ZBTB16: variants seen among roughly 807,000 people sequenced by gnomAD.
The protein encoded by ZBTB16 is zinc finger and BTB domain-containing protein 16.
In ZBTB16, 8 loss-of-function variants were observed where a neutral mutation model predicts 56.8. The observed-to-expected ratio is 0.14, with a 90% CI of 0.08 to 0.25. ZBTB16 has a LOEUF of 0.25. ZBTB16 is among the 10% of genes least tolerant of loss of function. The pLI is 1.00. For synonymous variants in ZBTB16, 363 were observed against 368.5 expected (o/e 0.98, Z 0.17); for missense variants, 625 against 903.0 (o/e 0.69, Z 3.95).
chr11:114,142,719 A>G (rs1013957237), intron 2 of ZBTB16, among the ~76,000 whole-genome samples: 6 of 152,080 alleles, frequency 3.9e-5, no homozygotes, highest in South Asian at 4.2e-4. Flanking sequence ...GAATGGTGGG[A>G]AGGGAGGATG....
At chr11:114,235,625 CCTTCCTTTCTTT>C (rs1944550823) in intron 4 of ZBTB16, among the ~76,000 whole-genome samples, 3 of 68,416 alleles carry the variant, frequency 4.4e-5, no homozygotes, top group African/African-American at 1.9e-4. Context: ...TTTCCCTCTC[CCTTCCTTTCTTT>C]CTTTCTTTCT....
At chr11:114,186,438 C>T (rs1474580899) in intron 3 of ZBTB16, among the ~76,000 whole-genome samples, 1 of 152,038 alleles carries the variant, frequency 6.6e-6, no homozygotes, top group Non-Finnish European at 1.5e-5. Context: ...ACAGGGGAGC[C>T]ATTCAGGGGT....
chr11:114,223,340 G>A (rs1944273063), intron 4 of ZBTB16, among the ~76,000 whole-genome samples: 1 of 152,158 alleles, frequency 6.6e-6, no homozygotes, highest in Non-Finnish European at 1.5e-5. Flanking sequence ...AAAGATATGG[G>A]AATATACGGA....
chr11:114,189,411 A>G (rs1197895179), intron 4 of ZBTB16: 2 of 152,336 alleles, frequency 1.3e-5, no homozygotes, highest in East Asian at 1.9e-4. Context: ...TGTGGCTACA[A>G]TAAAAAATAC....
chr11:114,109,533 C>T (rs1280835537), intron 2 of ZBTB16, among the ~76,000 whole-genome samples: 2 of 152,168 alleles, frequency 1.3e-5, no homozygotes, highest in African/African-American at 4.8e-5. Context: ...TGCATAGTTC[C>T]TTCCATTGCC....
At chr11:114,166,421 G>A (rs1001882976) in intron 3 of ZBTB16, among the ~76,000 whole-genome samples, 1 of 152,014 alleles carries the variant, frequency 6.6e-6, no homozygotes, top group African/African-American at 2.4e-5. Context: ...AAGCTGCAGT[G>A]TCTCCTAGAA....
intron 3 of ZBTB16, among the ~76,000 whole-genome samples, chr11:114,172,034 T>TCCAGGTGTGTAGAAGAG (rs1362031496): frequency 6.6e-6 from 1 of 152,180 alleles, no homozygotes; most frequent in African/African-American, 2.4e-5. Context: ...AAGAGCCTGG[T>TCCAGGTGTGTAGAAGAG]CCAGGTGAGT....
intron 3 of ZBTB16, among the ~76,000 whole-genome samples, 166 bp downstream of exon 3, chr11:114,156,600 C>T (rs929808150): frequency 6.6e-6 from 1 of 152,158 alleles, no homozygotes; most frequent in African/African-American, 2.4e-5. Context: ...CACAGAAGAT[C>T]CATCCTGATG....
At chr11:114,202,069 C>T (rs1943749280) in intron 4 of ZBTB16, among the ~76,000 whole-genome samples, 1 of 152,176 alleles carries the variant, frequency 6.6e-6, no homozygotes, top group Non-Finnish European at 1.5e-5. Flanking sequence ...CAGATAAATG[C>T]CAGATGGAGA....
chr11:114,165,325 C>T (rs1222690281), intron 3 of ZBTB16, among the ~76,000 whole-genome samples: 1 of 152,108 alleles, frequency 6.6e-6, no homozygotes, highest in Non-Finnish European at 1.5e-5. Context: ...CCTGGATGTT[C>T]CCCCCAAATC....
At chr11:114,203,852 C>T (rs1240044251) in intron 4 of ZBTB16, among the ~76,000 whole-genome samples, 2 of 152,142 alleles carry the variant, frequency 1.3e-5, no homozygotes, top group Admixed American at 6.6e-5. Flanking sequence ...CTTGCCCTCC[C>T]CATTCCTCCA....
intron 2 of ZBTB16, among the ~76,000 whole-genome samples, chr11:114,120,620 C>T (rs755553874): frequency 6.6e-6 from 1 of 152,240 alleles, no homozygotes; most frequent in Non-Finnish European, 1.5e-5. Context: ...CTGCTCCACA[C>T]TCACCACTGG....
At chr11:114,184,088 G>A (rs1257893601) in intron 3 of ZBTB16, among the ~76,000 whole-genome samples, 1 of 152,226 alleles carries the variant, frequency 6.6e-6, no homozygotes, top group Non-Finnish European at 1.5e-5. Context: ...TTCAGTAAAA[G>A]TGAGTTCATA....
chr11:114,255,552 C>G lies in ZBTB16; in HGVS notation c.*4997C>G, dbSNP rs181524303. Among the ~76,000 whole-genome samples, 224 of 151,856 alleles carry G rather than the reference C, an allele frequency of 1.5e-3. 1 individual carries two copies. Among genetic ancestry groups the G allele is most frequent in the African/African-American group, 5.2e-3 (216 of 41,402 alleles). On this transcript the variant is annotated 3_prime_UTR_variant, in exon 7 of 7. Coordinates refer to ENST00000335953, the MANE Select transcript of ZBTB16 (RefSeq NM_006006.6). ...CCCTCTCTCCTGCCTCCTGCTGCCC[C>G]CTCCCCAGCCCACTTCCCCGAGTTG...
At chr11:114,106,675 T>C (rs60927016) in intron 2 of ZBTB16, among the ~76,000 whole-genome samples, 1,980 of 152,220 alleles carry the variant, frequency 0.013, 30 homozygotes, top group African/African-American at 0.043. Flanking sequence ...GGATTCACCA[T>C]GTTGGCCAGG....
chr11:114,116,830 T>C (rs1941188748), intron 2 of ZBTB16, among the ~76,000 whole-genome samples: 4 of 152,218 alleles, frequency 2.6e-5, no homozygotes, highest in Non-Finnish European at 4.4e-5. Context: ...TATTGAGTCC[T>C]ACTGTATACC....
intron 2 of ZBTB16, among the ~76,000 whole-genome samples, chr11:114,094,825 C>A (rs1335772983): frequency 3.3e-5 from 5 of 152,242 alleles, no homozygotes; most frequent in Admixed American, 6.5e-5. Flanking sequence ...CAGCCGAAAG[C>A]TGTTCTGGTG....
chr11:114,190,372 CT>C (rs1338341509), intron 4 of ZBTB16, among the ~76,000 whole-genome samples: 1 of 152,196 alleles, frequency 6.6e-6, no homozygotes, highest in East Asian at 1.9e-4. Flanking sequence ...AACATCATAG[CT>C]TAGCCTAGCC....
At chr11:114,183,110 A>G (rs965109366) in intron 3 of ZBTB16, among the ~76,000 whole-genome samples, 2 of 152,128 alleles carry the variant, frequency 1.3e-5, no homozygotes, top group African/African-American at 4.8e-5. Context: ...CTGGGGGGGA[A>G]GTCAGAGCCT....
Sources: gnomAD v4.1 joint callset for allele counts (sites outside exome capture counted in the v4.1 genomes callset) on GRCh38, gnomAD v4.1.1 for gene constraint, MANE v1.5 for transcripts, NCBI Gene and HGNC (gene_info 2026-07-23, HGNC 2026-07-21) for gene names.